Variants in MROH1 observed in about 807,000 individuals in gnomAD.
MROH1 encodes maestro heat like repeat family member 1.
A neutral mutation model predicts 116.5 loss-of-function variants in MROH1; 117 were observed. The ratio of observed to expected loss-of-function variants is 1.00; its 90% CI spans 0.86 to 1.17. The LOEUF is 1.17. Among genes scored for constraint, MROH1 ranks in the 50% most tolerant of loss-of-function variants. MROH1 has a pLI of 0.00. For missense variants in MROH1, 1,873 were observed against 1,338.5 expected (o/e 1.40, Z -6.23); for synonymous variants, 921 against 583.9 (o/e 1.58, Z -8.32).
At chr8:144,160,825 C>T (rs1819343493) in intron 1 of MROH1, 145 bp from the exon 2 acceptor site, 1 of 152,480 alleles carries the variant, frequency 6.6e-6, no homozygotes, top group African/African-American at 2.4e-5. Flanking sequence ...AATTTATTAC[C>T]ATAAAGTTTT....
chr8:144,216,684 CTTTTTTTTTTTTTT>C (rs71320815), intron 12 of MROH1, among the ~76,000 whole-genome samples: 2 of 142,822 alleles, frequency 1.4e-5, no homozygotes, highest in Non-Finnish European at 1.5e-5. Context: ...TTTTTTACTG[CTTTTTTTTTTTTTT>C]TTTTTTTTTG....
At chr8:144,207,457 AT>A (rs35072271) in intron 12 of MROH1, among the ~76,000 whole-genome samples, 150,554 of 152,322 alleles carry the variant, frequency 0.99, 74,423 homozygotes, top group East Asian at 1. Flanking sequence ...AAGTGCTGGG[AT>A]TTACAGGCGT....
chr8:144,206,338 C>T (rs561541875), intron 12 of MROH1, among the ~76,000 whole-genome samples: 11 of 152,164 alleles, frequency 7.2e-5, no homozygotes, highest in Admixed American at 2.6e-4. Context: ...GTGCACTCTT[C>T]TTTACTGCTA....
At chr8:144,172,422 T>C (rs1251857215) in intron 4 of MROH1, among the ~76,000 whole-genome samples, 4 of 151,766 alleles carry the variant, frequency 2.6e-5, no homozygotes, top group African/African-American at 9.7e-5. Context: ...TCTTTTTTTT[T>C]TTCCCCCGAG....
rs369780972 is a variant in MROH1 at position 144,189,074 on chromosome 8, G to C, written c.563-1710G>C. On this transcript the variant is annotated intron_variant, in intron 7 of 43. Transcript: ENST00000326134. ...TGGAGAAAATTAAAAGTAATTGTTT[G>C]AAAATACCAAGTTTAGATTGTGCTT... 1.9e-4 allele frequency among the ~76,000 whole-genome samples: 29 copies of C among 152,326 alleles called. No homozygotes were observed. In the East Asian group the frequency reaches 4.1e-3, roughly 21 times the overall value.
At chr8:144,196,222 G>A (rs376781659) in intron 10 of MROH1, among the ~76,000 whole-genome samples, 3 of 150,754 alleles carry the variant, frequency 2.0e-5, no homozygotes, top group African/African-American at 4.9e-5. Flanking sequence ...CCCGGGAGGC[G>A]GAGGTTGCAT....
At chr8:144,175,364 A>G (rs191155777) in intron 4 of MROH1, 1 of 473,060 alleles carries the variant, frequency 2.1e-6, no homozygotes, top group Non-Finnish European at 2.7e-6. Flanking sequence ...CCTCCCAGCA[A>G]CAGGTCTGGT....
chr8:144,185,151 G>C (rs960561117), intron 7 of MROH1, among the ~76,000 whole-genome samples: 1 of 152,174 alleles, frequency 6.6e-6, no homozygotes, highest in East Asian at 1.9e-4. Flanking sequence ...GCAGTGTGTC[G>C]CTCCTGCAGG....
In MROH1 at chr8:144,180,843, C is replaced by T. The variant is rs535111079; in HGVS notation, c.562+320C>T. On this transcript the variant is annotated intron_variant, in intron 7 of 43. Transcript: ENST00000326134. This position sits in a 1 kb window ranked among gnomAD's most constrained non-coding sequence, Gnocchi z 7.4. Reference sequence around the variant, plus strand: ...TTTTTGTTTTCCTCCCCACTCCAGGCTAGAAAAGTGTCCGCTCTCTGGGCA... The same window carrying T: ...TTTTTGTTTTCCTCCCCACTCCAGGTTAGAAAAGTGTCCGCTCTCTGGGCA... Among the ~76,000 whole-genome samples the T allele has an allele frequency of 3.2e-4, 49 of 152,230 alleles. No individual in the cohort carries two copies. The South Asian group carries it at 5.0e-3, about 15-fold the overall frequency.
At chr8:144,170,636 C>G (rs1455257962) in intron 4 of MROH1, among the ~76,000 whole-genome samples, 3 of 152,274 alleles carry the variant, frequency 2.0e-5, no homozygotes, top group Non-Finnish European at 2.9e-5. Flanking sequence ...CCACATCCCC[C>G]TCCAGGCCTC....
At position 144,180,089 on chromosome 8, in the gene MROH1, C is replaced by A; in HGVS notation, c.301-89C>A. Reference sequence around the variant, plus strand: ...CTGCACTTTCTGGGGACGCTGAAAACAGCGTGCGCTTGTCCAAGGCTGGCA... The same window carrying A: ...CTGCACTTTCTGGGGACGCTGAAAAAAGCGTGCGCTTGTCCAAGGCTGGCA... On this transcript the variant is annotated intron_variant, in intron 5 of 43. Transcript: ENST00000326134. The surrounding 1 kb of genome is among the most constrained non-coding windows in gnomAD (Gnocchi z 7.4). The A allele has an allele frequency of 6.6e-7, 1 of 1,516,336 alleles. No individual in the cohort carries two copies. Among genetic ancestry groups the A allele is most frequent in the Non-Finnish European group, 9.0e-7 (1 of 1,106,350 alleles). 93.9% of individuals were successfully genotyped at this position (1,516,336 alleles called of 1,614,324 possible). A position where few individuals can be genotyped will look rare whatever the true frequency, so the allele number is the denominator to read the frequency against.
intron 14 of MROH1, among the ~76,000 whole-genome samples, chr8:144,234,004 C>T (rs1175821461): frequency 6.6e-6 from 1 of 152,144 alleles, no homozygotes; most frequent in Non-Finnish European, 1.5e-5. Context: ...GTAGTTCCAT[C>T]TTTTTATTTA....
At chr8:144,229,294 C>A (rs1838383520) in intron 14 of MROH1, among the ~76,000 whole-genome samples, 1 of 152,062 alleles carries the variant, frequency 6.6e-6, no homozygotes, top group Non-Finnish European at 1.5e-5. Flanking sequence ...TATAGTGAAT[C>A]CTTCCCAGAA....
At chr8:144,232,474 G>GTTTGTTTA (rs1839092975) in intron 14 of MROH1, among the ~76,000 whole-genome samples, 7 of 142,670 alleles carry the variant, frequency 4.9e-5, no homozygotes, top group South Asian at 2.1e-4. Context: ...TTGTTTGTTT[G>GTTTGTTTA]TTTATTTATT....
In MROH1 at chr8:144,191,703, G is replaced by A; in HGVS notation, c.715-12G>A. ...GAGCAGCGTAAGCTTCCCGCCCACT[G>A]TCCCCTCTCAGCTCCGTCTTGCCGT... On this transcript the variant is annotated splice_polypyrimidine_tract_variant and intron_variant, in intron 8 of 43. Transcript: ENST00000326134. 1 of 1,611,800 alleles carries A rather than the reference G, an allele frequency of 6.2e-7. No homozygotes were observed.
At chr8:144,200,050 G>C (rs561456691) in intron 11 of MROH1, among the ~76,000 whole-genome samples, 3 of 152,184 alleles carry the variant, frequency 2.0e-5, no homozygotes, top group Non-Finnish European at 4.4e-5. Context: ...GGGGGTCTGT[G>C]TGCTTGACAG....
intron 7 of MROH1, among the ~76,000 whole-genome samples, chr8:144,185,300 A>G (rs1239264876): frequency 5.3e-5 from 8 of 152,244 alleles, no homozygotes. Context: ...TTTTGTCGTT[A>G]CTGTGGTCTC....
At chr8:144,260,619 C>G in intron 39 of MROH1, 58 bp from the exon 40 acceptor site, 1 of 770,350 alleles carries the variant, frequency 1.3e-6, no homozygotes, top group East Asian at 2.4e-5. Context: ...GGGGGCTAGG[C>G]AGGCAGGCCT....
At chr8:144,193,404 C>T (rs978281201) in intron 10 of MROH1, 14 of 152,150 alleles carry the variant, frequency 9.2e-5, no homozygotes, top group African/African-American at 3.4e-4. Context: ...ACAATTAATT[C>T]CTGTCCAGTA....
Sources: gnomAD v4.1 joint callset for allele counts (sites outside exome capture counted in the v4.1 genomes callset) on GRCh38, gnomAD v4.1.1 for gene constraint, Gnocchi (gnomAD v3.1) non-coding constraint, MANE v1.5 for transcripts, NCBI Gene and HGNC (gene_info 2026-07-23, HGNC 2026-07-21) for gene names.